SVEP1: variants seen among roughly 807,000 people sequenced by gnomAD.
The protein encoded by SVEP1 is sushi, von Willebrand factor type A, EGF and pentraxin domain-containing protein 1.
SVEP1 carries 164 observed loss-of-function variants against 367.3 expected under a neutral mutation model. The observed-to-expected ratio is 0.45, with a 90% CI of 0.39 to 0.51. SVEP1 has a LOEUF of 0.51. Among genes scored for constraint, SVEP1 ranks in the 20% least tolerant of loss-of-function variants. SVEP1 has a pLI of 0.00. For synonymous variants in SVEP1, 1,666 were observed against 1,611.6 expected (o/e 1.03, Z -0.81); for missense variants, 4,117 against 4,425.3 (o/e 0.93, Z 1.98).
At chr9:110,493,131 A>T (rs890627537) in intron 8 of SVEP1, among the ~76,000 whole-genome samples, 2 of 151,926 alleles carry the variant, frequency 1.3e-5, no homozygotes, top group African/African-American at 2.4e-5. Context: ...TGTGGGATGT[A>T]TGACAGTGCT....
rs1828038685 is a variant in SVEP1 at position 110,411,180 on chromosome 9, G to A, written c.6531C>T (p.Tyr2177=). 1 of 1,614,018 alleles carries A rather than the reference G, an allele frequency of 6.2e-7. No homozygotes were observed. Among genetic ancestry groups the A allele is most frequent in the Non-Finnish European group, 8.5e-7 (1 of 1,179,894 alleles). ...AGGTGCTCTTCTTTTCCCCTTTGAT[G>A]TAGAACCCCTTGTTGCAGCTGTAAG... The part of the protein sequence containing the change: ...MVAYSCNKGF[Y]IKGEKKSTCE... The change falls in exon 37 of 48, where the codon TAC becomes TAT. Residue 2177 remains tyrosine, a synonymous_variant. Coordinates refer to ENST00000374469, the MANE Select transcript of SVEP1 (RefSeq NM_153366.4).
At chr9:110,436,265 A>G in intron 28 of SVEP1, 115 bp downstream of exon 28, 1 of 1,347,152 alleles carries the variant, frequency 7.4e-7, no homozygotes. Context: ...TACTGGTGAT[A>G]AATTCTGATA....
At chr9:110,375,494 G>T in intron 45 of SVEP1, 31 bp from the exon 46 acceptor site, 1 of 1,232,706 alleles carries the variant, frequency 8.1e-7, no homozygotes, top group Non-Finnish European at 1.1e-6. Context: ...AAAAAAAGGA[G>T]GCAGGGGGGA....
chr9:110,427,568 T>C (rs370891165), intron 36 of SVEP1, 23 bp downstream of exon 36: 3 of 1,604,910 alleles, frequency 1.9e-6, no homozygotes, highest in Admixed American at 1.7e-5. Flanking sequence ...TCAATGATCC[T>C]TTCCTTCACA....
intron 27 of SVEP1, among the ~76,000 whole-genome samples, chr9:110,438,177 ATTTTTTTTTTTTT>A (rs10593866): frequency 1.3e-5 from 1 of 75,554 alleles, no homozygotes; most frequent in Non-Finnish European, 2.4e-5. Flanking sequence ...TAGTTATGCT[ATTTTTTTTTTTTT>A]TTTTTTTTTT....
At chr9:110,454,426 T>G (rs575664934) in intron 22 of SVEP1, among the ~76,000 whole-genome samples, 3 of 152,308 alleles carry the variant, frequency 2.0e-5, no homozygotes, top group Non-Finnish European at 4.4e-5. Flanking sequence ...TGCGTATGGT[T>G]GGCCAGTAAT....
intron 43 of SVEP1, among the ~76,000 whole-genome samples, chr9:110,382,591 C>T (rs1827454018): frequency 6.6e-6 from 1 of 152,046 alleles, no homozygotes; most frequent in African/African-American, 2.4e-5. Flanking sequence ...CTCTGGATTT[C>T]CTGAACTGGA....
intron 26 of SVEP1, 119 bp from the exon 27 acceptor site, chr9:110,443,839 A>G: frequency 1.2e-6 from 1 of 803,960 alleles, no homozygotes; most frequent in Non-Finnish European, 1.8e-6. Flanking sequence ...CTTTGTGTAA[A>G]TCCATTACTC....
At chr9:110,545,983 C>A (rs1251981569) in intron 3 of SVEP1, 132 bp downstream of exon 3, 5 of 1,131,602 alleles carry the variant, frequency 4.4e-6, no homozygotes, top group East Asian at 5.2e-5. Context: ...ACAGCTGAAG[C>A]CCCAAAGAGA....
At chr9:110,551,001 T>C (rs951558131) in intron 1 of SVEP1, among the ~76,000 whole-genome samples, 2 of 152,166 alleles carry the variant, frequency 1.3e-5, no homozygotes, top group African/African-American at 4.8e-5. Flanking sequence ...GTAGAAAAGA[T>C]AAAGAAGCAC....
At chr9:110,498,389 C>G (rs1163103169) in intron 7 of SVEP1, among the ~76,000 whole-genome samples, 3 of 152,132 alleles carry the variant, frequency 2.0e-5, no homozygotes, top group Admixed American at 6.6e-5. Flanking sequence ...TGGGGTTTTT[C>G]CTTCTGCCAC....
chr9:110,366,984 A>G (rs1161966587), intron 47 of SVEP1, among the ~76,000 whole-genome samples: 2 of 152,260 alleles, frequency 1.3e-5, no homozygotes, highest in African/African-American at 4.8e-5. Context: ...GAACAACTGA[A>G]TTATCTGGAG....
chr9:110,408,193 G>A lies in SVEP1; in HGVS notation c.7407C>T (p.Gly2469=). ...LSTALYTCKP[G]FELVGNTTTL... ...TGGTAGTATTTCCCACCAATTCAAAGCCTGGCTTGCAGGTATAGAGAGCTG... is the reference window on the plus strand; with the variant it reads ...TGGTAGTATTTCCCACCAATTCAAAACCTGGCTTGCAGGTATAGAGAGCTG... The change falls in exon 38 of 48, where the codon GGC becomes GGT. Residue 2469 remains glycine (G), a synonymous_variant. Transcript: ENST00000374469. 1.9e-6 allele frequency: 3 copies of A among 1,614,000 alleles called. No homozygotes were observed. The highest frequency in any genetic ancestry group is 2.5e-6 in the Non-Finnish European group (3 of 1,179,894).
rs751473564 is a variant in SVEP1, at chr9:110,406,911, G to A, written c.8689C>T (p.Leu2897=). ...AGGCCTTCCGTCACCCCATTGGCCA[G>A]TTGTGGCGGGGTGGCACATCTGACA... ...VPVRCATPPQ[L]ANGVTEGLDY... Residue 2897 remains leucine, a synonymous_variant, in exon 38 of 48, where the codon CTG becomes TTG. Coordinates refer to ENST00000374469, the MANE Select transcript of SVEP1 (RefSeq NM_153366.4). The A allele has an allele frequency of 1.9e-5, 30 of 1,613,854 alleles. No homozygotes were observed. Among genetic ancestry groups the A allele is most frequent in the Middle Eastern group, 1.6e-4 (1 of 6,084 alleles).
chr9:110,467,009 C>T (rs1588067773), intron 17 of SVEP1, among the ~76,000 whole-genome samples: 1 of 152,106 alleles, frequency 6.6e-6, no homozygotes, highest in South Asian at 2.1e-4. Flanking sequence ...GACCTCCAAA[C>T]AACTCTCCTT....
chr9:110,389,228 A>AT (rs1554710604), intron 41 of SVEP1, among the ~76,000 whole-genome samples: 1 of 151,462 alleles, frequency 6.6e-6, no homozygotes, highest in South Asian at 2.1e-4. Flanking sequence ...ATTTGAGAAA[A>AT]CCCCCCCAAA....
Position 110,429,999 on chromosome 9 carries a change from A to G in SVEP1, c.5536T>C (p.Ser1846Pro), listed in dbSNP as rs142508835. The change falls in exon 34 of 48, where the codon TCA (serine) becomes CCA (proline). Residue 1846 changes from serine (S) to proline (P), a missense_variant. Around this residue, in one of 4 missense-constraint regions of SVEP1, gnomAD observed 2,174 missense variants for 2,494.3 expected, o/e 0.87. Coordinates refer to ENST00000374469, the MANE Select transcript of SVEP1 (RefSeq NM_153366.4). Reference protein sequence around the residue: ...NHLIPYCKAVSCGKPAIPENG... With the variant: ...NHLIPYCKAVPCGKPAIPENG... Reference sequence around the variant, plus strand: ...TCTGGAATAGCCGGTTTACCACATGAAACAGCTTAACAAAGGAAAAACAAA... The same window carrying G: ...TCTGGAATAGCCGGTTTACCACATGGAACAGCTTAACAAAGGAAAAACAAA... 8.7e-6 allele frequency: 14 copies of G among 1,611,968 alleles called. No individual in the cohort carries two copies. The highest frequency in any genetic ancestry group is 3.3e-4 in the Middle Eastern group (2 of 6,078).
intron 43 of SVEP1, among the ~76,000 whole-genome samples, chr9:110,379,767 A>G (rs1827406542): frequency 6.6e-6 from 1 of 152,208 alleles, no homozygotes; most frequent in African/African-American, 2.4e-5. Flanking sequence ...ACCTAAGGAA[A>G]GCAGTCTGTA....
At position 110,450,221 on chromosome 9, in the gene SVEP1, T is replaced by C; in HGVS notation, c.3941A>G (p.Asn1314Ser). 6.2e-7 allele frequency: 1 copy of C among 1,613,832 alleles called. No individual in the cohort carries two copies. The highest frequency in any genetic ancestry group is 2.2e-5 in the East Asian group (1 of 44,876). ...ACAGACTGCATTATTTAAGCATGGG[T>C]TTGACTGGCATTCATTGACTTCTGT... ...CETEVNECQS[N>S]PCLNNAVCED... is the part of the protein sequence containing the mutation. The change falls in exon 24 of 48, where the codon AAC (asparagine) becomes AGC (serine). Residue 1314 changes from asparagine (N) to serine (S), a missense_variant. By Grantham distance (46) the Asn-to-Ser change is conservative. Coordinates refer to ENST00000374469, the MANE Select transcript of SVEP1 (RefSeq NM_153366.4).
Sources: allele counts gnomAD v4.1 joint callset (sites outside exome capture counted in the v4.1 genomes callset), GRCh38; gene constraint gnomAD v4.1.1; regional missense constraint gnomAD v4.1.1; transcripts MANE v1.5; gene names NCBI Gene and HGNC (gene_info 2026-07-23, HGNC 2026-07-21).